STK32C: variants seen among roughly 807,000 people sequenced by gnomAD.
STK32C encodes serine/threonine kinase 32C, also known as serine/threonine-protein kinase 32C.
A neutral mutation model predicts 56.5 loss-of-function variants in STK32C; 31 were observed. The ratio of observed to expected loss-of-function variants is 0.55; its 90% CI spans 0.41 to 0.74. STK32C has a LOEUF of 0.74. Ranked by LOEUF, STK32C falls within the 30% of genes least tolerant of loss-of-function variation. The pLI, the probability that STK32C is intolerant of heterozygous loss-of-function variation, is 0.00. For missense variants in STK32C, 544 were observed against 676.9 expected, an observed-to-expected ratio of 0.80 and a Z score of 2.18; for synonymous variants, 309 against 289.4, an observed-to-expected ratio of 1.07 and a Z score of -0.69.
intron 1 of STK32C, among the ~76,000 whole-genome samples, chr10:132,282,001 G>C (rs561357678): frequency 6.6e-6 from 1 of 152,350 alleles, no homozygotes; most frequent in South Asian, 2.1e-4. Flanking sequence ...GCTGAGCGCC[G>C]ACATTCAGAG....
intron 1 of STK32C, among the ~76,000 whole-genome samples, chr10:132,288,709 C>CA (rs1259077183): frequency 2.0e-5 from 3 of 152,156 alleles, no homozygotes; most frequent in African/African-American, 7.2e-5. Flanking sequence ...ATGCCAGTTA[C>CA]AGTAGCATAA....
At chr10:132,247,701 G>A (rs1165765250) in intron 1 of STK32C, among the ~76,000 whole-genome samples, 1 of 152,202 alleles carries the variant, frequency 6.6e-6, no homozygotes, top group Non-Finnish European at 1.5e-5. Context: ...ACCTGGGGGT[G>A]AGGAAGGGGC....
chr10:132,236,059 G>A (rs1394191157), intron 2 of STK32C, among the ~76,000 whole-genome samples: 6 of 152,170 alleles, frequency 3.9e-5, no homozygotes, highest in African/African-American at 9.7e-5. Flanking sequence ...TGCTTGTGGG[G>A]GGTCACAGTG....
At chr10:132,259,795 C>T (rs1368357344) in intron 1 of STK32C, among the ~76,000 whole-genome samples, 2 of 152,232 alleles carry the variant, frequency 1.3e-5, no homozygotes, top group African/African-American at 4.8e-5. Flanking sequence ...AAACCATGGC[C>T]GGCATTCCGG....
exon 1 of STK32C, chr10:132,331,829 C>T: frequency 6.5e-7 from 1 of 1,538,252 alleles, no homozygotes; most frequent in Non-Finnish European, 8.8e-7. Context: ...CCTTCAAGGC[C>T]GCGGGCGCGG....
chr10:132,304,655 C>T (rs930717462), intron 1 of STK32C, among the ~76,000 whole-genome samples: 2 of 152,218 alleles, frequency 1.3e-5, no homozygotes, highest in Admixed American at 6.5e-5. Context: ...GTTACAGATA[C>T]CGTGGCATAA....
chr10:132,296,985 C>T (rs954716032), intron 1 of STK32C, among the ~76,000 whole-genome samples: 1 of 152,238 alleles, frequency 6.6e-6, no homozygotes, highest in South Asian at 2.1e-4. Context: ...AGGCGGACAT[C>T]GCCACAGACA....
At chr10:132,286,862 C>T (rs2065419614) in intron 1 of STK32C, among the ~76,000 whole-genome samples, 1 of 152,228 alleles carries the variant, frequency 6.6e-6, no homozygotes, top group Admixed American at 6.5e-5. Flanking sequence ...TGTCTGCTCT[C>T]ACTTCTACTC....
intron 1 of STK32C, among the ~76,000 whole-genome samples, chr10:132,292,157 G>C (rs1231821739): frequency 6.6e-6 from 1 of 152,118 alleles, no homozygotes; most frequent in Admixed American, 6.5e-5. Flanking sequence ...AAGGACATTG[G>C]AGGCAGACTG....
chr10:132,214,089 A>G (rs2062395907), intron 10 of STK32C, among the ~76,000 whole-genome samples: 1 of 152,168 alleles, frequency 6.6e-6, no homozygotes, highest in Non-Finnish European at 1.5e-5. Context: ...AGAGAACAGA[A>G]TATTTGAAAT....
At chr10:132,242,310 G>C (rs1055384577) in intron 2 of STK32C, among the ~76,000 whole-genome samples, 3 of 152,078 alleles carry the variant, frequency 2.0e-5, no homozygotes, top group South Asian at 2.1e-4. Context: ...GGGACGAGTG[G>C]GGGGAGTGCA....
intron 8 of STK32C, 129 bp from the exon 9 acceptor site, chr10:132,223,115 A>AG: frequency 2.4e-6 from 3 of 1,264,948 alleles, no homozygotes; most frequent in Non-Finnish European, 2.1e-6. Context: ...CAGGAACCTC[A>AG]GGGCCACGCG....
intron 1 of STK32C, among the ~76,000 whole-genome samples, chr10:132,250,375 T>G (rs2063856987): frequency 1.4e-5 from 1 of 70,616 alleles, no homozygotes; most frequent in Non-Finnish European, 2.7e-5. Flanking sequence ...AGGGCAGGTG[T>G]GTGTGAGGCG....
At chr10:132,223,183 T>C (rs1416674589) in intron 8 of STK32C, among the ~76,000 whole-genome samples, 197 bp from the exon 9 acceptor site, 1 of 152,204 alleles carries the variant, frequency 6.6e-6, no homozygotes, top group Non-Finnish European at 1.5e-5. Flanking sequence ...GCTCAGCATG[T>C]GGCCCAAGGG....
chr10:132,311,271 G>A (rs12217726), upstream of STK32C, among the ~76,000 whole-genome samples: 5 of 152,190 alleles, frequency 3.3e-5, no homozygotes, highest in Non-Finnish European at 5.9e-5. The surrounding 1 kb of genome is among the most constrained non-coding windows in gnomAD (Gnocchi z 4.4). Context: ...CACACGATTC[G>A]TGTGTGCTGT....
chr10:132,294,883 G>A (rs2138328143), intron 1 of STK32C, among the ~76,000 whole-genome samples: 1 of 152,282 alleles, frequency 6.6e-6, no homozygotes, highest in East Asian at 1.9e-4. Context: ...CACGTGTGGT[G>A]GCTTTGTTTC....
intron 10 of STK32C, among the ~76,000 whole-genome samples, chr10:132,222,249 G>T (rs1330138346): frequency 1.5e-5 from 2 of 136,434 alleles, no homozygotes; most frequent in Middle Eastern, 4.7e-3. Context: ...TGATGCCGAC[G>T]CACCTGGGTG....
chr10:132,218,445 AC>A (rs1210745793), intron 10 of STK32C, among the ~76,000 whole-genome samples: 1 of 152,264 alleles, frequency 6.6e-6, no homozygotes, highest in East Asian at 1.9e-4. Context: ...CTGATAAAAC[AC>A]CTCAAAAGAT....
chr10:132,213,037 T>A (rs866876678), intron 10 of STK32C, among the ~76,000 whole-genome samples: 10 of 152,278 alleles, frequency 6.6e-5, no homozygotes, highest in South Asian at 2.1e-4. Context: ...GTTTTGTGGG[T>A]TTCCCCTCCA....
Sources: allele counts gnomAD v4.1 joint callset (sites outside exome capture counted in the v4.1 genomes callset), GRCh38; gene constraint gnomAD v4.1.1; non-coding constraint Gnocchi (gnomAD v3.1); transcripts MANE v1.5; gene names NCBI Gene and HGNC (gene_info 2026-07-23, HGNC 2026-07-21).